The following FSTL5 variants were observed in gnomAD, a reference collection of about 807,000 sequenced individuals.
The protein encoded by FSTL5 is follistatin like 5, also known as follistatin-related protein 5.
A neutral mutation model predicts 89.1 loss-of-function variants in FSTL5; 62 were observed. That is an observed-to-expected ratio of 0.70 (90% CI 0.57 to 0.86). The LOEUF (loss-of-function observed/expected upper bound fraction) is 0.86. Among genes scored for constraint, FSTL5 ranks in the 40% least tolerant of loss-of-function variants. The pLI is 0.00. For missense variants in FSTL5, 1,057 were observed against 1,001.6 expected, an observed-to-expected ratio of 1.06 and a Z score of -0.75; for synonymous variants, 383 against 346.2, an observed-to-expected ratio of 1.11 and a Z score of -1.18.
intron 8 of FSTL5, among the ~76,000 whole-genome samples, chr4:161,573,232 A>G (rs2126588533): frequency 6.6e-6 from 1 of 152,036 alleles, no homozygotes; most frequent in Admixed American, 6.5e-5. Context: ...GAACATGGCA[A>G]AAACCCATCT....
chr4:161,626,645 G>A (rs1337984085), intron 7 of FSTL5, among the ~76,000 whole-genome samples: 2 of 152,080 alleles, frequency 1.3e-5, no homozygotes, highest in African/African-American at 4.8e-5. Context: ...TTCATTTCTA[G>A]TCTTATTATT....
intron 8 of FSTL5, among the ~76,000 whole-genome samples, chr4:161,555,793 T>C (rs562502053): frequency 2.5e-4 from 38 of 151,762 alleles, no homozygotes; most frequent in Non-Finnish European, 4.9e-4. Flanking sequence ...TCACATGTTT[T>C]GTTGTTTTTG....
chr4:161,746,976 C>T (rs1478520648), intron 6 of FSTL5, among the ~76,000 whole-genome samples: 2 of 152,098 alleles, frequency 1.3e-5, no homozygotes, highest in South Asian at 2.1e-4. Context: ...TATTCAGCGG[C>T]GTATGTAATT....
chr4:161,723,008 A>G (rs1739267640), intron 6 of FSTL5, among the ~76,000 whole-genome samples: 1 of 152,196 alleles, frequency 6.6e-6, no homozygotes, highest in Non-Finnish European at 1.5e-5. Context: ...TACAATTTTA[A>G]AAGAGCAGAA....
intron 7 of FSTL5, among the ~76,000 whole-genome samples, chr4:161,610,691 T>C (rs972385856): frequency 3.8e-4 from 58 of 152,268 alleles, no homozygotes; most frequent in Middle Eastern, 3.4e-3. Flanking sequence ...ACTAGGACTC[T>C]GCTGCAAATT....
intron 2 of FSTL5, among the ~76,000 whole-genome samples, chr4:162,096,427 A>G (rs1337612037): frequency 2.0e-5 from 3 of 151,640 alleles, no homozygotes; most frequent in Admixed American, 6.6e-5. Context: ...TAATAGATAT[A>G]TAATCAGAAA....
chr4:161,667,260 G>T (rs535977675), intron 6 of FSTL5, among the ~76,000 whole-genome samples: 1 of 152,158 alleles, frequency 6.6e-6, no homozygotes, highest in East Asian at 1.9e-4. Flanking sequence ...TAAAGGTTGA[G>T]TCTATTTATT....
chr4:161,921,496 T>C (rs554247104), intron 3 of FSTL5, among the ~76,000 whole-genome samples: 2 of 152,230 alleles, frequency 1.3e-5, no homozygotes, highest in Non-Finnish European at 2.9e-5. Context: ...TGAATATACA[T>C]ATGCACATAG....
chr4:161,786,773 A>G (rs1239489060), intron 4 of FSTL5, among the ~76,000 whole-genome samples: 1 of 152,088 alleles, frequency 6.6e-6, no homozygotes, highest in Non-Finnish European at 1.5e-5. Context: ...CTATTTTCCC[A>G]TGAAATTTCA....
intron 13 of FSTL5, among the ~76,000 whole-genome samples, chr4:161,476,180 T>TTTTTTG (rs1734134503): frequency 2.9e-5 from 3 of 102,038 alleles, no homozygotes; most frequent in East Asian, 8.7e-4. Flanking sequence ...CTGGTTTTTT[T>TTTTTTG]TTTTTTTTGT....
chr4:161,863,862 C>T lies in FSTL5; in HGVS notation c.409+56542G>A, dbSNP rs75400560. On this transcript the variant is annotated intron_variant, in intron 4 of 15. Transcript: ENST00000306100. ...GGAGGGGTCTGGCCACTTCTGGAGT[C>T]AGAGTTTTTGAGGCTGACAGGCTAA... Among the ~76,000 whole-genome samples the T allele has an allele frequency of 1.0e-3, 157 of 152,252 alleles. 3 individuals carry two copies. The East Asian group carries it at 0.029, about 28-fold the overall frequency.
chr4:162,128,076 T>G (rs1732153811), intron 1 of FSTL5, among the ~76,000 whole-genome samples: 2 of 149,550 alleles, frequency 1.3e-5, no homozygotes, highest in African/African-American at 2.5e-5. Flanking sequence ...AACTAGAATT[T>G]TATATGTATT....
chr4:161,768,601 T>C (rs1741098205), intron 5 of FSTL5, among the ~76,000 whole-genome samples: 1 of 152,016 alleles, frequency 6.6e-6, no homozygotes, highest in African/African-American at 2.4e-5. Flanking sequence ...GTGTAATATG[T>C]AATGTAAACC....
intron 2 of FSTL5, among the ~76,000 whole-genome samples, chr4:162,090,980 A>C (rs183944336): frequency 6.6e-6 from 1 of 152,222 alleles, no homozygotes; most frequent in South Asian, 2.1e-4. Context: ...TCTGCTCCTC[A>C]TGTTTTTAAA....
chr4:161,767,202 A>G (rs1243217139), intron 5 of FSTL5, among the ~76,000 whole-genome samples: 1 of 152,192 alleles, frequency 6.6e-6, no homozygotes, highest in Admixed American at 6.5e-5. Context: ...GAATATGCCC[A>G]TACCTTAGGT....
intron 10 of FSTL5, among the ~76,000 whole-genome samples, chr4:161,521,328 T>G (rs892960601): frequency 6.6e-6 from 1 of 151,506 alleles, no homozygotes; most frequent in African/African-American, 2.4e-5. Context: ...TCCACAGTGT[T>G]TTTTTTTTCC....
chr4:162,031,064 G>A (rs1737501855), intron 3 of FSTL5, among the ~76,000 whole-genome samples: 1 of 152,130 alleles, frequency 6.6e-6, no homozygotes, highest in African/African-American at 2.4e-5. Context: ...CCTGGTAGTT[G>A]ACCCTTACTT....
At chr4:161,526,369 G>A (rs1298559340) in intron 10 of FSTL5, among the ~76,000 whole-genome samples, 1 of 152,028 alleles carries the variant, frequency 6.6e-6, no homozygotes, top group East Asian at 1.9e-4. Context: ...GTTTCCAAAG[G>A]ATGTATTATT....
At chr4:162,127,282 T>C (rs965691444) in intron 1 of FSTL5, among the ~76,000 whole-genome samples, 1 of 152,170 alleles carries the variant, frequency 6.6e-6, no homozygotes, top group Admixed American at 6.5e-5. Flanking sequence ...TCCCCTTTTA[T>C]ATTTTATTTA....
Sources: gnomAD v4.1 joint callset for allele counts (sites outside exome capture counted in the v4.1 genomes callset) on GRCh38, gnomAD v4.1.1 for gene constraint, MANE v1.5 for transcripts, NCBI Gene and HGNC (gene_info 2026-07-23, HGNC 2026-07-21) for gene names.